Variants in PTPRB observed in about 807,000 individuals in gnomAD.
The protein encoded by PTPRB is protein tyrosine phosphatase receptor type B.
In PTPRB, 97 loss-of-function variants were observed where a neutral mutation model predicts 238.1. The observed-to-expected ratio is 0.41, with a 90% CI of 0.35 to 0.48. The LOEUF is 0.48. Ranked by LOEUF, PTPRB falls within the 20% of genes least tolerant of loss-of-function variation. The pLI is 0.30. For synonymous variants in PTPRB, 970 were observed against 995.4 expected (o/e 0.97, Z 0.48); for missense variants, 2,292 against 2,681.9 (o/e 0.85, Z 3.21).
In PTPRB at chr12:70,544,678, G is replaced by C; in HGVS notation, c.5388-15C>G. 1 of 1,518,610 alleles carries C rather than the reference G, an allele frequency of 6.6e-7. No homozygotes were observed. Among genetic ancestry groups the C allele is most frequent in the Non-Finnish European group, 8.9e-7 (1 of 1,125,494 alleles). 94.1% of individuals were successfully genotyped at this position (1,518,610 alleles called of 1,614,324 possible). A position where few individuals can be genotyped will look rare whatever the true frequency, so the allele number is the denominator to read the frequency against. On this transcript the variant is annotated splice_polypyrimidine_tract_variant and intron_variant, in intron 21 of 33. Transcript: ENST00000334414. ...GAATGCTGATTCTGAAAAGAAAACC[G>C]ATTTATTTAAATATAAATTAGTTGT...
At chr12:70,538,464 TGACATTAC>T (rs1874525474) in intron 27 of PTPRB, 2 of 513,330 alleles carry the variant, frequency 3.9e-6, no homozygotes, top group Non-Finnish European at 6.9e-6. Flanking sequence ...CTTCCCTTTC[TGACATTAC>T]CACATTTGCC....
At chr12:70,540,782 T>C in intron 23 of PTPRB, 76 bp downstream of exon 23, 1 of 1,079,058 alleles carries the variant, frequency 9.3e-7, no homozygotes, top group Non-Finnish European at 1.4e-6. Context: ...CCCTTCTTAG[T>C]TTTCAGCCTA....
chr12:70,547,163 A>G (rs1245667961), intron 21 of PTPRB, among the ~76,000 whole-genome samples: 1 of 152,200 alleles, frequency 6.6e-6, no homozygotes, highest in African/African-American at 2.4e-5. Context: ...ATCCGAGTGT[A>G]ATCCTGTAAA....
At chr12:70,533,792 C>G (rs979896622) in intron 31 of PTPRB, among the ~76,000 whole-genome samples, 14 of 152,166 alleles carry the variant, frequency 9.2e-5, no homozygotes, top group African/African-American at 3.1e-4. Flanking sequence ...TGTGAGGACA[C>G]AGCCTTTGTC....
chr12:70,549,976 G>A (rs1014782740), intron 21 of PTPRB, among the ~76,000 whole-genome samples: 3 of 152,190 alleles, frequency 2.0e-5, no homozygotes, highest in African/African-American at 7.2e-5. Flanking sequence ...CCAGGAACTT[G>A]CCATATTGTT....
intron 4 of PTPRB, among the ~76,000 whole-genome samples, chr12:70,607,352 AT>A (rs1457972988): frequency 1.3e-5 from 2 of 152,190 alleles, no homozygotes; most frequent in Admixed American, 6.5e-5. Context: ...CAATTAACAC[AT>A]CTGTAAGTTC....
rs582954 is a variant in PTPRB at position 70,534,944 on chromosome 12, A to G, written c.6093T>C (p.Asp2031=). The change falls in exon 30 of 34, where the codon GAT becomes GAC. Residue 2031 remains aspartate (D), a synonymous_variant. Transcript: ENST00000334414. The part of the protein sequence containing the change: ...QCVEKGRVKC[D]HYWPADQDSL... The stretch of plus-strand genomic sequence containing the variant: ...AATCCTGGTCCGCTGGCCAGTAATG[A>G]TCACACTTTACCTAGAACAGGACAG... 0.96 allele frequency: 1,544,685 copies of G among 1,613,620 alleles called. 739,601 individuals are homozygous for G. The highest frequency in any genetic ancestry group is 1 in the East Asian group (44,850 of 44,860).
At chr12:70,610,368 C>T (rs1487671663) in intron 3 of PTPRB, among the ~76,000 whole-genome samples, 1 of 151,938 alleles carries the variant, frequency 6.6e-6, no homozygotes, top group Non-Finnish European at 1.5e-5. Context: ...GTGCTTGCTC[C>T]CTGTCACTTT....
intron 18 of PTPRB, 111 bp from the exon 19 acceptor site, chr12:70,556,259 G>T: frequency 1.0e-6 from 1 of 975,014 alleles, no homozygotes; most frequent in Non-Finnish European, 1.5e-6. Flanking sequence ...GGACAGACAG[G>T]CAAATACAGA....
At chr12:70,534,790 C>T in intron 30 of PTPRB, 43 bp downstream of exon 30, 1 of 1,607,672 alleles carries the variant, frequency 6.2e-7, no homozygotes, top group Non-Finnish European at 8.5e-7. Context: ...AGATCTCATT[C>T]ATCTCCCCAA....
intron 2 of PTPRB, among the ~76,000 whole-genome samples, chr12:70,627,691 A>G (rs994349879): frequency 5.3e-5 from 8 of 152,138 alleles, no homozygotes; most frequent in African/African-American, 1.9e-4. Context: ...CAATGATCAT[A>G]TAAATCATAT....
intron 33 of PTPRB, among the ~76,000 whole-genome samples, chr12:70,524,011 A>C (rs1316566992): frequency 6.6e-6 from 1 of 151,810 alleles, no homozygotes; most frequent in African/African-American, 2.4e-5. Context: ...GGGTTTCATC[A>C]TGTTGGCCAG....
At chr12:70,609,845 C>T (rs749575231) in intron 3 of PTPRB, 2 of 1,560,452 alleles carry the variant, frequency 1.3e-6, no homozygotes, top group Non-Finnish European at 1.7e-6. Flanking sequence ...CAGAGGAGAC[C>T]GAGGGGGCTG....
intron 4 of PTPRB, among the ~76,000 whole-genome samples, chr12:70,602,366 T>C (rs1883581898): frequency 6.6e-6 from 1 of 152,210 alleles, no homozygotes; most frequent in African/African-American, 2.4e-5. Context: ...AATTATTTAA[T>C]ATCAATAACT....
At chr12:70,628,725 C>T (rs1885313779) in intron 2 of PTPRB, among the ~76,000 whole-genome samples, 1 of 152,016 alleles carries the variant, frequency 6.6e-6, no homozygotes, top group South Asian at 2.1e-4. Flanking sequence ...GGAATAGATG[C>T]AACTGTAACT....
At chr12:70,554,419 G>A (rs537168499) in intron 20 of PTPRB, among the ~76,000 whole-genome samples, 4 of 152,252 alleles carry the variant, frequency 2.6e-5, no homozygotes, top group East Asian at 3.9e-4. Flanking sequence ...CCTCAATGGC[G>A]AATACATATA....
intron 9 of PTPRB, among the ~76,000 whole-genome samples, chr12:70,583,055 C>A (rs2136429218): frequency 6.6e-6 from 1 of 152,150 alleles, no homozygotes; most frequent in East Asian, 1.9e-4. Context: ...ACTGCTAATA[C>A]CATGTACTAC....
intron 4 of PTPRB, among the ~76,000 whole-genome samples, chr12:70,606,532 T>G (rs1455388630): frequency 6.6e-6 from 1 of 152,236 alleles, no homozygotes; most frequent in Non-Finnish European, 1.5e-5. Context: ...TTGCTCTCAT[T>G]CTATTTTGTT....
rs1300123277 is a variant in PTPRB, at chr12:70,566,611, C to T, written c.3728G>A (p.Arg1243Lys). The T allele has an allele frequency of 1.9e-6, 3 of 1,613,888 alleles. No individual in the cohort carries two copies. The highest frequency in any genetic ancestry group is 2.5e-6 in the Non-Finnish European group (3 of 1,179,896). Residue 1243 changes from arginine to lysine, a missense_variant, in exon 15 of 34, where the codon AGA becomes AAA. By Grantham distance (26) the Arg-to-Lys change is conservative. Around this residue, in one of 4 missense-constraint regions of PTPRB, gnomAD observed 683 missense variants for 862.0 expected, o/e 0.79. Transcript: ENST00000334414. Reference protein sequence around the residue: ...SWQKAAGVAERYDILLLTENG... With the variant: ...SWQKAAGVAEKYDILLLTENG... ...TTCAGTTAGAAGCAGGATATCATAT[C>T]TTTCTGCCACACCAGCAGCTTTTTG... is the stretch of plus-strand genomic sequence containing the variant.
Sources: allele counts gnomAD v4.1 joint callset (sites outside exome capture counted in the v4.1 genomes callset), GRCh38; gene constraint gnomAD v4.1.1; regional missense constraint gnomAD v4.1.1; transcripts MANE v1.5; gene names NCBI Gene and HGNC (gene_info 2026-07-23, HGNC 2026-07-21).